RALYL: variants seen among roughly 807,000 people sequenced by gnomAD.
The protein encoded by RALYL is RALY RNA binding protein like.
In RALYL, 29 loss-of-function variants were observed where a neutral mutation model predicts 35.1. The observed-to-expected ratio is 0.83, with a 90% CI of 0.61 to 1.13. The LOEUF (loss-of-function observed/expected upper bound fraction) is 1.13. Ranked by LOEUF, RALYL falls within the 50% of genes most tolerant of loss-of-function variation. RALYL has a pLI of 0.00. For missense variants in RALYL, 359 were observed against 360.4 expected (o/e 1.00, Z 0.03); for synonymous variants, 120 against 127.6 (o/e 0.94, Z 0.40).
chr8:84,888,572 C>A (rs1332214559), intron 8 of RALYL, among the ~76,000 whole-genome samples: 1 of 152,044 alleles, frequency 6.6e-6, no homozygotes, highest in African/African-American at 2.4e-5. Context: ...TTTGGCTTAT[C>A]CCAGGTAAAA....
At chr8:84,507,440 G>A (rs748411528) in intron 1 of RALYL, among the ~76,000 whole-genome samples, 3 of 151,998 alleles carry the variant, frequency 2.0e-5, no homozygotes, top group South Asian at 2.1e-4. Flanking sequence ...ATTGTGGTTC[G>A]GTGAGATAAA....
At chr8:84,499,653 C>A (rs1464128135) in intron 1 of RALYL, among the ~76,000 whole-genome samples, 2 of 151,696 alleles carry the variant, frequency 1.3e-5, no homozygotes, top group Non-Finnish European at 2.9e-5. Context: ...AAAGGTCTAA[C>A]CTTGGACTCC....
At chr8:84,883,377 C>A (rs1053118729) in intron 7 of RALYL, among the ~76,000 whole-genome samples, 1 of 151,748 alleles carries the variant, frequency 6.6e-6, no homozygotes, top group Admixed American at 6.6e-5. Flanking sequence ...AAAGACATAC[C>A]CAAGACTGGG....
intron 7 of RALYL, among the ~76,000 whole-genome samples, chr8:84,875,064 T>C (rs1406402447): frequency 3.3e-5 from 5 of 152,078 alleles, no homozygotes; most frequent in African/African-American, 1.2e-4. Context: ...TTATTTCCAA[T>C]TCAGAAAGGC....
chr8:84,887,686 G>GATT lies in RALYL; in HGVS notation c.768_769insATT (p.Glu256_Glu257insIle). 6.2e-7 allele frequency: 1 copy of GATT among 1,613,866 alleles called. No individual in the cohort carries two copies. The highest frequency in any genetic ancestry group is 8.5e-7 in the Non-Finnish European group (1 of 1,179,798). Reference sequence around the variant, plus strand: ...CAGAGATTGCAGATCACTCTACAGAGGAGCCTGCTGAAGGAGGGCCAGATG... The same window carrying GATT: ...CAGAGATTGCAGATCACTCTACAGAGATTGAGCCTGCTGAAGGAGGGCCAGATG... On this transcript the variant is annotated inframe_insertion, in exon 8 of 9. Transcript: ENST00000521268.
intron 8 of RALYL, among the ~76,000 whole-genome samples, chr8:84,889,778 C>T (rs1239758352): frequency 6.6e-6 from 1 of 152,150 alleles, no homozygotes; most frequent in Non-Finnish European, 1.5e-5. Flanking sequence ...CAGGCTTCCT[C>T]ATTCTGGTAA....
At chr8:84,659,496 G>A (rs1240398756) in intron 2 of RALYL, among the ~76,000 whole-genome samples, 1 of 151,860 alleles carries the variant, frequency 6.6e-6, no homozygotes, top group African/African-American at 2.4e-5. Context: ...AAGAAAGGTA[G>A]CTTGTTGCAG....
intron 2 of RALYL, among the ~76,000 whole-genome samples, chr8:84,768,633 C>T (rs1348035598): frequency 1.3e-5 from 2 of 152,226 alleles, no homozygotes; most frequent in Non-Finnish European, 2.9e-5. Context: ...GGAGCTATGG[C>T]TCACTTCCAC....
chr8:84,453,219 T>C (rs1193317581), intron 1 of RALYL, among the ~76,000 whole-genome samples: 3 of 151,914 alleles, frequency 2.0e-5, no homozygotes, highest in Admixed American at 6.6e-5. Context: ...TATACATATA[T>C]ACACACATAT....
chr8:84,236,283 A>G (rs1213939350), intron 1 of RALYL, among the ~76,000 whole-genome samples: 1 of 152,198 alleles, frequency 6.6e-6, no homozygotes, highest in Admixed American at 6.5e-5. Context: ...CAGGATCACA[A>G]AGCAACAATA....
intron 4 of RALYL, among the ~76,000 whole-genome samples, chr8:84,839,348 C>T (rs117137425): frequency 0.057 from 8,693 of 152,298 alleles, 362 homozygotes; most frequent in Non-Finnish European, 0.084. Context: ...GAAGGACCTA[C>T]GCTCATGGAG....
At chr8:84,610,808 C>A (rs923434166) in intron 2 of RALYL, among the ~76,000 whole-genome samples, 1 of 152,132 alleles carries the variant, frequency 6.6e-6, no homozygotes, top group African/African-American at 2.4e-5. Flanking sequence ...ATACTTCCAG[C>A]TTTGGCCACT....
chr8:84,678,546 C>A (rs1834700229), intron 2 of RALYL, among the ~76,000 whole-genome samples: 3 of 152,098 alleles, frequency 2.0e-5, no homozygotes, highest in African/African-American at 7.2e-5. Context: ...GGATTACAGG[C>A]GTGAGCCACT....
At chr8:84,740,378 G>A (rs72681028) in intron 2 of RALYL, among the ~76,000 whole-genome samples, 34,878 of 151,672 alleles carry the variant, frequency 0.23, 4,237 homozygotes, top group Non-Finnish European at 0.25. Flanking sequence ...AAACAAAGAG[G>A]GCGGAATAAA....
At chr8:84,357,194 C>T (rs1254000632) in intron 1 of RALYL, among the ~76,000 whole-genome samples, 1 of 151,980 alleles carries the variant, frequency 6.6e-6, no homozygotes, top group Non-Finnish European at 1.5e-5. Context: ...ACTTCTTAGA[C>T]CTCGCTAACA....
chr8:84,600,974 G>A (rs1165458063), intron 2 of RALYL, among the ~76,000 whole-genome samples: 1 of 152,098 alleles, frequency 6.6e-6, no homozygotes, highest in African/African-American at 2.4e-5. Context: ...GAAACATTTA[G>A]TAAGTGCCTA....
In RALYL at chr8:84,406,688, C is replaced by T. The variant is rs372716326; in HGVS notation, c.-23-122611C>T. ...ATATTTAAATTATGTAGTCAGGAAA[C>T]ATTTCGACTACCATGGGCCCTAGGA... On this transcript the variant is annotated intron_variant, in intron 1 of 8. Coordinates refer to ENST00000521268, the MANE Select transcript of RALYL (RefSeq NM_173848.7). Among the ~76,000 whole-genome samples, 24 of 151,986 alleles carry T rather than the reference C, an allele frequency of 1.6e-4. 1 individual carries two copies. The South Asian group carries it at 4.8e-3, about 30-fold the overall frequency.
intron 1 of RALYL, among the ~76,000 whole-genome samples, chr8:84,475,767 C>T (rs1267687390): frequency 6.6e-6 from 1 of 152,148 alleles, no homozygotes; most frequent in Non-Finnish European, 1.5e-5. Context: ...TTTAAACCTA[C>T]TATAGTTGCT....
intron 1 of RALYL, among the ~76,000 whole-genome samples, chr8:84,434,251 A>C (rs566255770): frequency 6.6e-6 from 1 of 152,078 alleles, no homozygotes; most frequent in African/African-American, 2.4e-5. Context: ...GCCCACCCTA[A>C]TGACCTCATT....
Sources: gnomAD v4.1 joint callset for allele counts (sites outside exome capture counted in the v4.1 genomes callset) on GRCh38, gnomAD v4.1.1 for gene constraint, MANE v1.5 for transcripts, NCBI Gene and HGNC (gene_info 2026-07-23, HGNC 2026-07-21) for gene names.